Variants in ZNF354C observed in about 807,000 individuals in gnomAD.
The protein encoded by ZNF354C is KRAB-zinc finger protein synten.
A neutral mutation model predicts 12.4 loss-of-function variants in ZNF354C; 7 were observed. The observed-to-expected ratio is 0.56, with a 90% CI of 0.32 to 1.06. The LOEUF (loss-of-function observed/expected upper bound fraction) is 1.06, where lower values mean the gene tolerates loss of function less well. Among genes scored for constraint, ZNF354C ranks in the 50% least tolerant of loss-of-function variants. The pLI is 0.04. For missense variants in ZNF354C, 609 were observed against 658.0 expected (o/e 0.93, Z 0.81); for synonymous variants, 202 against 224.5 (o/e 0.90, Z 0.90).
In ZNF354C at chr5:179,079,504, T is replaced by C. The variant is rs531809695; in HGVS notation, c.1072T>C (p.Cys358Arg). 2 of 1,614,138 alleles carry C rather than the reference T, an allele frequency of 1.2e-6. No individual in the cohort carries two copies. The highest frequency in any genetic ancestry group is 2.2e-5 in the South Asian group (2 of 91,078). Residue 358 changes from cysteine to arginine, a missense_variant, in exon 5 of 5, where the codon TGT becomes CGT. Transcript: ENST00000315475. This position sits in a 1 kb window ranked among gnomAD's most constrained non-coding sequence, Gnocchi z 4.2. ...CCATACAGGTGAGAAACCCTATAAATGTAGTGAGTGTGGGAAGGGATACAG... is the reference window on the plus strand; with the variant it reads ...CCATACAGGTGAGAAACCCTATAAACGTAGTGAGTGTGGGAAGGGATACAG... ...RIHTGEKPYKCSECGKGYSQF... is the reference protein window; with the variant it reads ...RIHTGEKPYKRSECGKGYSQF...
At chr5:179,072,859 ATGTG>A (rs371678485) in intron 2 of ZNF354C, among the ~76,000 whole-genome samples, 2 of 152,166 alleles carry the variant, frequency 1.3e-5, no homozygotes, top group Non-Finnish European at 2.9e-5. Context: ...TATATGTTGT[ATGTG>A]TGTGTATGTA....
rs76985493 is a variant in ZNF354C, at chr5:179,068,411, G to C, written c.27+6316G>C. Among the ~76,000 whole-genome samples the C allele has an allele frequency of 1.5e-3, 230 of 152,230 alleles. 2 individuals are homozygous for C. Among genetic ancestry groups the C allele is most frequent in the Middle Eastern group, 3.4e-3 (1 of 294 alleles). Reference sequence around the variant, plus strand: ...GTTTAACGAATAGTCAAAAGAACACGGTGTGTGTAATTGGATCTAAAGTCT... The same window carrying C: ...GTTTAACGAATAGTCAAAAGAACACCGTGTGTGTAATTGGATCTAAAGTCT... On this transcript the variant is annotated intron_variant, in intron 2 of 4. Transcript: ENST00000315475.
intron 2 of ZNF354C, among the ~76,000 whole-genome samples, chr5:179,068,129 C>T (rs544170067): frequency 2.0e-5 from 3 of 150,070 alleles, no homozygotes; most frequent in Non-Finnish European, 2.9e-5. Flanking sequence ...TGCACTACTG[C>T]ACTCCAGCCT....
At chr5:179,064,281 G>A (rs889519725) in intron 2 of ZNF354C, among the ~76,000 whole-genome samples, 11 of 151,902 alleles carry the variant, frequency 7.2e-5, no homozygotes, top group Admixed American at 3.9e-4. Context: ...TTGCTCTGTC[G>A]CCCAGGCTGG....
At chr5:179,069,853 A>G (rs577494618) in intron 2 of ZNF354C, among the ~76,000 whole-genome samples, 222 of 152,326 alleles carry the variant, frequency 1.5e-3, no homozygotes, top group Non-Finnish European at 2.2e-3. Flanking sequence ...GCGACAGAGC[A>G]AGACTCTGTC....
In ZNF354C at chr5:179,082,049, T is replaced by A. The variant is rs1419147155; in HGVS notation, c.*1952T>A. ...AAGAATGTCTTCTTTTAAATGTACATGGAATGATAGATTTGGAAAAATTAC... is the reference window on the plus strand; with the variant it reads ...AAGAATGTCTTCTTTTAAATGTACAAGGAATGATAGATTTGGAAAAATTAC... On this transcript the variant is annotated 3_prime_UTR_variant, in exon 5 of 5. Transcript: ENST00000315475. 6.6e-6 allele frequency: 1 copy of A among 152,200 alleles called. No individual in the cohort carries two copies. Among genetic ancestry groups the A allele is most frequent in the East Asian group, 1.9e-4 (1 of 5,202 alleles). 9.4% of individuals were successfully genotyped at this position (152,200 alleles called of 1,614,324 possible).
Position 179,078,682 on chromosome 5 carries a change from G to C in ZNF354C, c.251-1G>C. The C allele has an allele frequency of 1.9e-6, 3 of 1,579,726 alleles. No homozygotes were observed. Among genetic ancestry groups the C allele is most frequent in the Non-Finnish European group, 2.6e-6 (3 of 1,166,420 alleles). The stretch of plus-strand genomic sequence containing the variant: ...GCATTAATTCTTCTGATTCATTTTA[G>C]GTTTCAAGACTTGGCTTGAAACAGA... On this transcript the variant is annotated splice_acceptor_variant, in intron 4 of 4. Transcript: ENST00000315475. LOFTEE classifies it high-confidence loss of function.
At chr5:179,072,328 G>C (rs539474192) in intron 2 of ZNF354C, among the ~76,000 whole-genome samples, 85 of 151,910 alleles carry the variant, frequency 5.6e-4, no homozygotes, top group African/African-American at 2.0e-3. Context: ...CTTAACTTTT[G>C]GAAATGAACA....
rs138594121 is a variant in ZNF354C at position 179,079,816 on chromosome 5, C to A, written c.1384C>A (p.His462Asn). The A allele has an allele frequency of 2.5e-6, 4 of 1,614,120 alleles. No homozygotes were observed. Among genetic ancestry groups the A allele is most frequent in the Non-Finnish European group, 3.4e-6 (4 of 1,180,020 alleles). ...KSNLYRHQRI[H>N]TGEKPYQCNQ... ...TAACCTTTATAGGCATCAGAGAATT[C>A]ATACTGGAGAGAAACCGTATCAGTG... Residue 462 changes from histidine to asparagine, a missense_variant, in exon 5 of 5, where the codon CAT becomes AAT. Coordinates refer to ENST00000315475, the MANE Select transcript of ZNF354C (RefSeq NM_014594.3). The surrounding 1 kb of genome is among the most constrained non-coding windows in gnomAD (Gnocchi z 4.2).
chr5:179,080,324 A>G lies in ZNF354C; in HGVS notation c.*227A>G, dbSNP rs1471778293. 6.8e-6 allele frequency: 2 copies of G among 292,250 alleles called. No homozygotes were observed. Among genetic ancestry groups the G allele is most frequent in the East Asian group, 6.0e-5 (1 of 16,750 alleles). 18.1% of individuals were successfully genotyped at this position (292,250 alleles called of 1,614,324 possible). On this transcript the variant is annotated 3_prime_UTR_variant, in exon 5 of 5. Coordinates refer to ENST00000315475, the MANE Select transcript of ZNF354C (RefSeq NM_014594.3). ...CTAAAAACCTATGAGTATTTAATTC[A>G]TAGAAAAAATGTAAAAGGTCTTTTT...
In ZNF354C at chr5:179,079,314, T is replaced by C. The variant is rs753874430; in HGVS notation, c.882T>C (p.His294=). The C allele has an allele frequency of 1.4e-5, 23 of 1,614,056 alleles. No homozygotes were observed. In the East Asian group the frequency reaches 3.1e-4, roughly 22 times the overall value. ...SSTLIKHLRV[H]TGEKPYRCRE... ...CCCTTATCAAACATCTGAGAGTGCA[T>C]ACTGGAGAGAAACCGTATCGATGTA... is the stretch of plus-strand genomic sequence containing the variant. Residue 294 remains histidine, a synonymous_variant, in exon 5 of 5, where the codon CAT becomes CAC. Transcript: ENST00000315475. The surrounding 1 kb of genome is among the most constrained non-coding windows in gnomAD (Gnocchi z 4.2).
intron 1 of ZNF354C, among the ~76,000 whole-genome samples, chr5:179,061,590 A>G (rs1761893067): frequency 6.6e-6 from 1 of 152,102 alleles, no homozygotes; most frequent in African/African-American, 2.4e-5. Context: ...GTCTGTCACC[A>G]GGGTAGGGAT....
chr5:179,080,234 G>C lies in ZNF354C; in HGVS notation c.*137G>C. On this transcript the variant is annotated 3_prime_UTR_variant, in exon 5 of 5. Coordinates refer to ENST00000315475, the MANE Select transcript of ZNF354C (RefSeq NM_014594.3). ...GTTGCCACTAAGTCATGATAAAATT[G>C]ATCAGTGAGACTATGAAGAGCACTG... 1 of 591,520 alleles carries C rather than the reference G, an allele frequency of 1.7e-6. No individual in the cohort carries two copies. Among genetic ancestry groups the C allele is most frequent in the Non-Finnish European group, 2.8e-6 (1 of 355,630 alleles). The allele number at this position is 591,520 out of a possible 1,614,324, so 36.6% of individuals were successfully genotyped here.
At position 179,078,916 on chromosome 5, in the gene ZNF354C, AGTCTT is replaced by A. The variant is rs751432755; in HGVS notation, c.486_490del (p.Ser162ArgfsTer35). 5.6e-6 allele frequency: 9 copies of A among 1,614,160 alleles called. No individual in the cohort carries two copies. In the South Asian group the frequency reaches 9.9e-5, roughly 18 times the overall value. The stretch of plus-strand genomic sequence containing the variant: ...CATCAGTGAAGATGGAAACCATACA[AGTCTT>A]GAATTGGGGAAAAGCTTATTTACAA... On this transcript the variant is annotated frameshift_variant, in exon 5 of 5. Coordinates refer to ENST00000315475, the MANE Select transcript of ZNF354C (RefSeq NM_014594.3). LOFTEE classifies it low-confidence loss of function (END_TRUNC).
chr5:179,065,832 T>TC (rs1761952417), intron 2 of ZNF354C, among the ~76,000 whole-genome samples: 1 of 152,192 alleles, frequency 6.6e-6, no homozygotes, highest in Non-Finnish European at 1.5e-5. Context: ...GTCAGTCTGA[T>TC]CACAGCATAC....
chr5:179,066,878 T>A (rs1262256782), intron 2 of ZNF354C, among the ~76,000 whole-genome samples: 1 of 152,172 alleles, frequency 6.6e-6, no homozygotes, highest in South Asian at 2.1e-4. Context: ...GATTTGAGGT[T>A]TGAGATGTGC....
intron 3 of ZNF354C, 21 bp downstream of exon 3, chr5:179,076,592 C>G: frequency 6.2e-7 from 1 of 1,613,136 alleles, no homozygotes; most frequent in Non-Finnish European, 8.5e-7. Context: ...TTGCCTATGA[C>G]GAAGAATCTG....
intron 1 of ZNF354C, among the ~76,000 whole-genome samples, 186 bp from the exon 2 acceptor site, chr5:179,061,829 C>G (rs1270423645): frequency 6.6e-6 from 1 of 152,126 alleles, no homozygotes; most frequent in Non-Finnish European, 1.5e-5. Flanking sequence ...TTAAAGAGTC[C>G]AAGTGCAGAA....
chr5:179,064,947 T>G (rs1457959745), intron 2 of ZNF354C, among the ~76,000 whole-genome samples: 1 of 152,208 alleles, frequency 6.6e-6, no homozygotes, highest in African/African-American at 2.4e-5. Context: ...TATAATTTAT[T>G]GTCTGGGGAA....
Sources: allele counts gnomAD v4.1 joint callset (sites outside exome capture counted in the v4.1 genomes callset), GRCh38; gene constraint gnomAD v4.1.1; non-coding constraint Gnocchi (gnomAD v3.1); transcripts MANE v1.5; gene names NCBI Gene and HGNC (gene_info 2026-07-23, HGNC 2026-07-21).